The following PRLR variants were observed in gnomAD, a reference collection of about 807,000 sequenced individuals.
PRLR encodes the protein prolactin receptor, also known as hPRL receptor.
Under a neutral mutation model 40.2 loss-of-function variants are expected in PRLR, and 13 were observed. That is an observed-to-expected ratio of 0.32 (90% CI 0.21 to 0.51). PRLR has a LOEUF of 0.51. PRLR is among the 20% of genes least tolerant of loss of function. The pLI, the probability that PRLR is intolerant of heterozygous loss-of-function variation, is 0.97. For synonymous variants in PRLR, 269 were observed against 278.7 expected (o/e 0.97, Z 0.35); for missense variants, 656 against 747.3 (o/e 0.88, Z 1.42).
intron 1 of PRLR, among the ~76,000 whole-genome samples, chr5:35,187,917 G>T (rs1775490798): frequency 6.6e-6 from 1 of 152,202 alleles, no homozygotes; most frequent in South Asian, 2.1e-4. Flanking sequence ...AGGTGAGTCG[G>T]TCAGCGGCAA....
At chr5:35,115,307 T>C (rs899744072) in intron 2 of PRLR, among the ~76,000 whole-genome samples, 1 of 152,186 alleles carries the variant, frequency 6.6e-6, no homozygotes, top group African/African-American at 2.4e-5. Flanking sequence ...GCTCTCTTCT[T>C]AGAGAAGCAC....
intron 1 of PRLR, among the ~76,000 whole-genome samples, chr5:35,153,725 C>T (rs77093886): frequency 9.4e-4 from 132 of 140,336 alleles, no homozygotes; most frequent in African/African-American, 1.5e-3. Flanking sequence ...TGTACACACA[C>T]ACACACACAC....
intron 1 of PRLR, among the ~76,000 whole-genome samples, chr5:35,216,944 G>T (rs1057382160): frequency 1.3e-5 from 2 of 152,208 alleles, no homozygotes; most frequent in African/African-American, 4.8e-5. Flanking sequence ...TTGACACAAG[G>T]TGATAAATGA....
At chr5:35,106,905 C>T (rs373767096) in intron 2 of PRLR, among the ~76,000 whole-genome samples, 15 of 152,160 alleles carry the variant, frequency 9.9e-5, no homozygotes, top group Non-Finnish European at 1.8e-4. Context: ...CTCTCCACCC[C>T]AAATCAACAG....
At chr5:35,121,492 C>T (rs1773290786) in intron 1 of PRLR, among the ~76,000 whole-genome samples, 1 of 152,086 alleles carries the variant, frequency 6.6e-6, no homozygotes, top group South Asian at 2.1e-4. Context: ...TCAAATCTTG[C>T]TGACAGACTA....
intron 1 of PRLR, among the ~76,000 whole-genome samples, chr5:35,186,705 C>T (rs889436749): frequency 2.6e-5 from 4 of 152,128 alleles, no homozygotes; most frequent in Non-Finnish European, 5.9e-5. Flanking sequence ...AGCTACCACC[C>T]CATCTGAGCT....
At chr5:35,087,996 C>G (rs542522273) in intron 3 of PRLR, among the ~76,000 whole-genome samples, 6 of 152,214 alleles carry the variant, frequency 3.9e-5, no homozygotes, top group African/African-American at 1.4e-4. Context: ...ACCCCTCATG[C>G]AGGCTCCAAG....
chr5:35,229,216 G>A (rs1365239854), intron 1 of PRLR, among the ~76,000 whole-genome samples: 1 of 151,424 alleles, frequency 6.6e-6, no homozygotes, highest in African/African-American at 2.4e-5. Context: ...GCCCAAGTTT[G>A]CACAGCTGAT....
chr5:35,223,336 C>T (rs530183881), intron 1 of PRLR, among the ~76,000 whole-genome samples: 1 of 152,264 alleles, frequency 6.6e-6, no homozygotes, highest in South Asian at 2.1e-4. Flanking sequence ...AAAAACAAAA[C>T]AAAATCAATC....
At chr5:35,213,522 A>T (rs1279564775) in intron 1 of PRLR, among the ~76,000 whole-genome samples, 1 of 151,914 alleles carries the variant, frequency 6.6e-6, no homozygotes, top group Admixed American at 6.6e-5. Flanking sequence ...TTTTTCTGGG[A>T]ATTTCATTAT....
At chr5:35,191,801 C>T (rs1775614705) in intron 1 of PRLR, among the ~76,000 whole-genome samples, 2 of 152,346 alleles carry the variant, frequency 1.3e-5, no homozygotes, top group South Asian at 4.1e-4. Flanking sequence ...TGCCCCCCAC[C>T]ACGGGTCTCA....
At chr5:35,183,139 C>G (rs1364023487) in intron 1 of PRLR, among the ~76,000 whole-genome samples, 2 of 152,166 alleles carry the variant, frequency 1.3e-5, no homozygotes, top group African/African-American at 2.4e-5. Context: ...AGGCACTACC[C>G]TGCCAAGTGT....
intron 1 of PRLR, among the ~76,000 whole-genome samples, chr5:35,149,746 A>G (rs1365300866): frequency 1.3e-5 from 2 of 152,224 alleles, no homozygotes; most frequent in Non-Finnish European, 2.9e-5. Context: ...CAAGATATCA[A>G]TAATTTAGAC....
intron 9 of PRLR, 127 bp from the exon 10 acceptor site, chr5:35,066,229 G>A (rs1769363461): frequency 1.1e-6 from 1 of 947,178 alleles, no homozygotes; most frequent in Non-Finnish European, 1.5e-6. Flanking sequence ...AGACATTTGT[G>A]TGCCAGGCCA....
chr5:35,194,119 T>C (rs1482122162), intron 1 of PRLR, among the ~76,000 whole-genome samples: 2 of 152,206 alleles, frequency 1.3e-5, no homozygotes, highest in Non-Finnish European at 2.9e-5. Flanking sequence ...CTGCCCGAGA[T>C]GACTGGCTCA....
chr5:35,154,827 G>C (rs368164658), intron 1 of PRLR, among the ~76,000 whole-genome samples: 2 of 152,150 alleles, frequency 1.3e-5, no homozygotes, highest in Non-Finnish European at 2.9e-5. Flanking sequence ...ACGAGATCAT[G>C]TCTTCTTCAG....
chr5:35,210,635 T>C (rs1356925090), intron 1 of PRLR, among the ~76,000 whole-genome samples: 1 of 152,224 alleles, frequency 6.6e-6, no homozygotes, highest in Non-Finnish European at 1.5e-5. Context: ...GATTTTCTCA[T>C]TCTACAGAAA....
intron 1 of PRLR, among the ~76,000 whole-genome samples, chr5:35,129,323 C>A (rs1773576695): frequency 6.6e-6 from 1 of 152,146 alleles, no homozygotes; most frequent in Non-Finnish European, 1.5e-5. Flanking sequence ...AGGTGATGGG[C>A]AAATTGTATC....
At chr5:35,068,732 C>A in intron 8 of PRLR, 47 bp downstream of exon 8, 1 of 1,354,586 alleles carries the variant, frequency 7.4e-7, no homozygotes, top group Non-Finnish European at 1.0e-6. Flanking sequence ...TTGTCATTAT[C>A]CTTGACTATC....
Sources: allele counts gnomAD v4.1 joint callset (sites outside exome capture counted in the v4.1 genomes callset), GRCh38; gene constraint gnomAD v4.1.1; transcripts MANE v1.5; gene names NCBI Gene and HGNC (gene_info 2026-07-23, HGNC 2026-07-21).